The following CCDC174 variants were observed in gnomAD, a reference collection of about 807,000 sequenced individuals.
CCDC174 encodes coiled-coil domain containing 174, also known as coiled-coil domain-containing protein 174.
In CCDC174, 37 loss-of-function variants were observed where a neutral mutation model predicts 57.1. The observed-to-expected ratio is 0.65, with a 90% CI of 0.50 to 0.85. The LOEUF is 0.85. Among genes scored for constraint, CCDC174 ranks in the 40% least tolerant of loss-of-function variants. The pLI is 0.00. For missense variants in CCDC174, 540 were observed against 574.3 expected (o/e 0.94, Z 0.61); for synonymous variants, 182 against 190.2 (o/e 0.96, Z 0.35).
At chr3:14,658,777 T>A in intron 3 of CCDC174, 94 bp from the exon 4 acceptor site, 1 of 1,347,254 alleles carries the variant, frequency 7.4e-7, no homozygotes, top group Non-Finnish European at 1.0e-6. Context: ...CTGGGCCTCA[T>A]GGGCAGATGG....
intron 9 of CCDC174, 86 bp downstream of exon 9, chr3:14,668,267 T>G: frequency 7.6e-7 from 1 of 1,316,040 alleles, no homozygotes; most frequent in South Asian, 1.4e-5. Flanking sequence ...AATGTGAAAA[T>G]TAGCCATTTA....
Position 14,668,052 on chromosome 3 carries a change from ACAGAT to A in CCDC174, c.828_832del (p.Asp276GlufsTer40). The A allele has an allele frequency of 3.1e-6, 5 of 1,590,486 alleles. No homozygotes were observed. Among genetic ancestry groups the A allele is most frequent in the Non-Finnish European group, 4.3e-6 (5 of 1,171,396 alleles). On this transcript the variant is annotated frameshift_variant, in exon 9 of 11. Transcript: ENST00000383794. LOFTEE classifies it high-confidence loss of function. ...AATTTTCTGATTTTCTGTTCAGACA[ACAGAT>A]CAGAGAACAAAACGAGAAAACATAA...
Position 14,671,184 on chromosome 3 carries a change from A to G in CCDC174, c.1394A>G (p.Gln465Arg). ...GATGACATGATTTCCTATTACAAAC[A>G]AGTGACATGATCTTTCAAAGCACGC... ...TLDDMISYYK[Q>R]VT Residue 465 changes from glutamine (Q) to arginine (R), a missense_variant, in exon 11 of 11, where the codon CAA (glutamine) becomes CGA (arginine). Gln to Arg is a conservative substitution (Grantham distance 43, BLOSUM62 1). Coordinates refer to ENST00000383794, the MANE Select transcript of CCDC174 (RefSeq NM_016474.5). The G allele has an allele frequency of 6.2e-7, 1 of 1,608,030 alleles. No individual in the cohort carries two copies. Among genetic ancestry groups the G allele is most frequent in the Non-Finnish European group, 8.5e-7 (1 of 1,175,460 alleles).
chr3:14,671,139 C>T lies in CCDC174; in HGVS notation c.1349C>T (p.Thr450Ile). Residue 450 changes from threonine (T) to isoleucine (I), a missense_variant, in exon 11 of 11, where the codon ACA becomes ATA. Coordinates refer to ENST00000383794, the MANE Select transcript of CCDC174 (RefSeq NM_016474.5). ...PAPDNPPQAP[T>I]VTFKTLDDMI... ...CCCGACAACCCACCACAAGCCCCCA[C>T]AGTTACTTTCAAAACTCTGGATGAC... 1.2e-6 allele frequency: 2 copies of T among 1,613,792 alleles called. No homozygotes were observed. The highest frequency in any genetic ancestry group is 8.5e-7 in the Non-Finnish European group (1 of 1,179,852).
rs2031482256 is a variant in CCDC174, at chr3:14,670,780, C to T, written c.1106-116C>T. The T allele has an allele frequency of 2.2e-6, 2 of 889,380 alleles. 1 individual carries two copies. Among genetic ancestry groups the T allele is most frequent in the Middle Eastern group, 5.4e-4 (2 of 3,710 alleles). 55.1% of individuals were successfully genotyped at this position (889,380 alleles called of 1,614,324 possible). On this transcript the variant is annotated intron_variant, in intron 10 of 10. Coordinates refer to ENST00000383794, the MANE Select transcript of CCDC174 (RefSeq NM_016474.5). Reference sequence around the variant, plus strand: ...TAGTTTTGCTGTTGCCATTCTTATTCTTTGGATAATTTGTGGTGGCTTTTA... The same window carrying T: ...TAGTTTTGCTGTTGCCATTCTTATTTTTTGGATAATTTGTGGTGGCTTTTA...
Position 14,668,200 on chromosome 3 carries a change from GCTGAACTT to G in CCDC174, c.952+21_952+28del. Reference sequence around the variant, plus strand: ...AATAGAGGTATATCATGGCTATGTTGCTGAACTTCAAAAGGGAAAATTTTATTTCCATT... The same window carrying G: ...AATAGAGGTATATCATGGCTATGTTGCAAAAGGGAAAATTTTATTTCCATT... On this transcript the variant is annotated intron_variant, in intron 9 of 10. Transcript: ENST00000383794. The G allele has an allele frequency of 1.3e-6, 2 of 1,575,760 alleles. No homozygotes were observed. Among genetic ancestry groups the G allele is most frequent in the Non-Finnish European group, 1.7e-6 (2 of 1,165,572 alleles).
chr3:14,661,579 A>G lies in CCDC174; in HGVS notation c.357A>G (p.Ile119Met). The part of the protein sequence containing the change: ...MYLVDFTQKI[I>M]DKRKEMEASG... ...TTGTGGATTTCACACAGAAGATCATAGACAAGCGCAAAGAAATGGAGGCAT... is the reference window on the plus strand; with the variant it reads ...TTGTGGATTTCACACAGAAGATCATGGACAAGCGCAAAGAAATGGAGGCAT... The change falls in exon 5 of 11, where the codon ATA becomes ATG. Residue 119 changes from isoleucine (I) to methionine (M), a missense_variant. Transcript: ENST00000383794. The G allele has an allele frequency of 6.2e-7, 1 of 1,614,218 alleles. No individual in the cohort carries two copies. Among genetic ancestry groups the G allele is most frequent in the South Asian group, 1.1e-5 (1 of 91,078 alleles).
chr3:14,659,270 C>A (rs1263427931), intron 4 of CCDC174, among the ~76,000 whole-genome samples: 1 of 133,938 alleles, frequency 7.5e-6, no homozygotes, highest in African/African-American at 2.8e-5. Flanking sequence ...ACAATTACAG[C>A]TGTGCTAAAA....
rs1239801918 is a variant in CCDC174 at position 14,667,418 on chromosome 3, T to C, written c.725-6T>C. 1 of 1,613,028 alleles carries C rather than the reference T, an allele frequency of 6.2e-7. No individual in the cohort carries two copies. Among genetic ancestry groups the C allele is most frequent in the Non-Finnish European group, 8.5e-7 (1 of 1,179,208 alleles). ...TGATCTTTTGGGTAATTCATACTTC[T>C]TTCAGAGGCCCGGCAACTTGGTGTT... is the stretch of plus-strand genomic sequence containing the variant. On this transcript the variant is annotated splice_region_variant and splice_polypyrimidine_tract_variant and intron_variant, in intron 7 of 10. Transcript: ENST00000383794.
At chr3:14,666,297 G>C (rs2031336922) in intron 6 of CCDC174, among the ~76,000 whole-genome samples, 2 of 152,102 alleles carry the variant, frequency 1.3e-5, no homozygotes, top group Non-Finnish European at 2.9e-5. Context: ...ATTCCGTCAG[G>C]CTAAGGTAAC....
In CCDC174 at chr3:14,665,130, G is replaced by A. The variant is rs1242470557; in HGVS notation, c.581+7G>A. The stretch of plus-strand genomic sequence containing the variant: ...AAAATCTTCAGGGGAGACTGTAAGT[G>A]TGTGTGGTATACAGAGCTCTGCCAA... On this transcript the variant is annotated splice_region_variant and intron_variant, in intron 6 of 10. Transcript: ENST00000383794. 1.9e-6 allele frequency: 3 copies of A among 1,598,654 alleles called. No individual in the cohort carries two copies. Among genetic ancestry groups the A allele is most frequent in the Non-Finnish European group, 1.7e-6 (2 of 1,165,784 alleles).
At position 14,671,001 on chromosome 3, in the gene CCDC174, G is replaced by A. The variant is rs755074520; in HGVS notation, c.1211G>A (p.Gly404Asp). 10 of 1,614,066 alleles carry A rather than the reference G, an allele frequency of 6.2e-6. No homozygotes were observed. The highest frequency in any genetic ancestry group is 8.5e-6 in the Non-Finnish European group (10 of 1,180,028). ...TACTTTGTGGGTCAGAAGAGAACTGGTTTTTCCAGCAGCCAGGCATGGAGC... is the reference window on the plus strand; with the variant it reads ...TACTTTGTGGGTCAGAAGAGAACTGATTTTTCCAGCAGCCAGGCATGGAGC... ...SDYFVGQKRT[G>D]FSSSQAWSRP... The change falls in exon 11 of 11, where the codon GGT (glycine) becomes GAT (aspartate). Residue 404 changes from glycine (G) to aspartate (D), a missense_variant. Gly to Asp is a moderately conservative substitution (Grantham distance 94). Coordinates refer to ENST00000383794, the MANE Select transcript of CCDC174 (RefSeq NM_016474.5).
intron 2 of CCDC174, 56 bp from the exon 3 acceptor site, chr3:14,655,473 T>A: frequency 9.3e-7 from 1 of 1,077,992 alleles, no homozygotes; most frequent in Non-Finnish European, 1.4e-6. Context: ...GATGCACAAG[T>A]AGAGATTTTT....
chr3:14,666,188 G>A (rs918779807), intron 6 of CCDC174, among the ~76,000 whole-genome samples: 2 of 152,260 alleles, frequency 1.3e-5, no homozygotes, highest in African/African-American at 4.8e-5. Context: ...TCCACAGGAG[G>A]AGACCCAGAG....
intron 1 of CCDC174, 63 bp downstream of exon 1, chr3:14,651,941 A>T: frequency 6.6e-7 from 1 of 1,515,944 alleles, no homozygotes. Flanking sequence ...TCAGACAAGA[A>T]TGTCGACCTA....
At chr3:14,657,942 A>G (rs2031014742) in intron 3 of CCDC174, among the ~76,000 whole-genome samples, 1 of 152,134 alleles carries the variant, frequency 6.6e-6, no homozygotes, top group African/African-American at 2.4e-5. Context: ...AATTTTTTCT[A>G]GTTTTCTTTT....
intron 4 of CCDC174, 37 bp from the exon 5 acceptor site, chr3:14,661,493 C>T (rs771170522): frequency 6.4e-7 from 1 of 1,559,314 alleles, no homozygotes; most frequent in Admixed American, 1.9e-5. Context: ...GTGTGATTTT[C>T]CTTTTTGATG....
intron 2 of CCDC174, 81 bp from the exon 3 acceptor site, chr3:14,655,448 G>GA: frequency 1.5e-6 from 1 of 681,830 alleles, no homozygotes; most frequent in Non-Finnish European, 2.4e-6. Context: ...GATCTCCTTT[G>GA]TTTTTTTTTT....
At chr3:14,652,896 C>A (rs1431298932) in intron 1 of CCDC174, among the ~76,000 whole-genome samples, 1 of 131,176 alleles carries the variant, frequency 7.6e-6, no homozygotes, top group Non-Finnish European at 1.5e-5. Context: ...GAGCGAAACT[C>A]CGTCTAAGGG....
Sources: allele counts gnomAD v4.1 joint callset (sites outside exome capture counted in the v4.1 genomes callset), GRCh38; gene constraint gnomAD v4.1.1; transcripts MANE v1.5; gene names NCBI Gene and HGNC (gene_info 2026-07-23, HGNC 2026-07-21).